UGT1A4: variants seen among roughly 807,000 people sequenced by gnomAD.
The protein encoded by UGT1A4 is UDP glucuronosyltransferase family 1 member A4.
UGT1A4 carries 32 observed loss-of-function variants against 41.1 expected under a neutral mutation model. The ratio of observed to expected loss-of-function variants is 0.78; its 90% CI spans 0.59 to 1.05. UGT1A4 has a LOEUF of 1.05. UGT1A4 is among the 50% of genes least tolerant of loss of function. The pLI, the probability that UGT1A4 is intolerant of heterozygous loss-of-function variation, is 0.00. For missense variants in UGT1A4, 748 were observed against 677.4 expected, an observed-to-expected ratio of 1.10 and a Z score of -1.16; for synonymous variants, 283 against 265.1, an observed-to-expected ratio of 1.07 and a Z score of -0.66.
At chr2:233,732,755 G>GTT (rs956485327) in intron 1 of UGT1A4, among the ~76,000 whole-genome samples, 69 of 120,202 alleles carry the variant, frequency 5.7e-4, no homozygotes, top group African/African-American at 1.5e-3. Context: ...CACCAGCTTT[G>GTT]TTTTTTTTTT....
At chr2:233,747,014 C>T (rs774665109) in intron 1 of UGT1A4, among the ~76,000 whole-genome samples, 7 of 151,838 alleles carry the variant, frequency 4.6e-5, no homozygotes, top group Non-Finnish European at 1.0e-4. Context: ...TAGGAGTGAT[C>T]GGTCTTTCCC....
At position 233,736,787 on chromosome 2, in the gene UGT1A4, G is replaced by T. The variant is rs564924553; in HGVS notation, c.867+17100G>T. Reference sequence around the variant, plus strand: ...TAACAGTCAGATCCCTCAGCTGCAGGTCTGTTGGAGTTTGCTGGAGGTCCA... The same window carrying T: ...TAACAGTCAGATCCCTCAGCTGCAGTTCTGTTGGAGTTTGCTGGAGGTCCA... On this transcript the variant is annotated intron_variant, in intron 1 of 4. Coordinates refer to ENST00000373409, the MANE Select transcript of UGT1A4 (RefSeq NM_007120.3). Among the ~76,000 whole-genome samples the T allele has an allele frequency of 1.5e-3, 227 of 152,276 alleles. 2 individuals carry two copies. The highest frequency in any genetic ancestry group is 5.1e-3 in the African/African-American group (213 of 41,548).
intron 1 of UGT1A4, chr2:233,755,332 C>A (rs556124321): frequency 5.3e-4 from 243 of 459,718 alleles, no homozygotes; most frequent in African/African-American, 4.6e-3. Flanking sequence ...CCAGCACCCG[C>A]GCACAGGTCA....
At chr2:233,760,370 G>A in intron 1 of UGT1A4, 1 of 1,614,148 alleles carries the variant, frequency 6.2e-7, no homozygotes, top group Non-Finnish European at 8.5e-7. Context: ...TCCCATGCTG[G>A]GAAGATACTG....
At chr2:233,729,345 C>A (rs200579886) in intron 1 of UGT1A4, 337 of 1,614,208 alleles carry the variant, frequency 2.1e-4, no homozygotes, top group Admixed American at 3.5e-4. Flanking sequence ...AAGAAGAGAA[C>A]TTTTTCACCC....
intron 1 of UGT1A4, chr2:233,755,353 G>T: frequency 2.6e-6 from 1 of 385,860 alleles, no homozygotes; most frequent in Non-Finnish European, 4.8e-6. Context: ...GAGGCTTGGC[G>T]ACCTGGGCCG....
At chr2:233,735,887 T>A (rs2078706567) in intron 1 of UGT1A4, among the ~76,000 whole-genome samples, 1 of 152,242 alleles carries the variant, frequency 6.6e-6, no homozygotes, top group Non-Finnish European at 1.5e-5. Flanking sequence ...CTGCTGTTAG[T>A]CTGATGGGCT....
At chr2:233,747,994 T>C (rs11888459) in intron 1 of UGT1A4, 570,680 of 1,612,980 alleles carry the variant, frequency 0.35, 103,977 homozygotes, top group African/African-American at 0.43. Context: ...CGAGGGGACT[T>C]TGTGATGGAT....
intron 1 of UGT1A4, among the ~76,000 whole-genome samples, chr2:233,739,415 C>A (rs1192478838): frequency 6.6e-6 from 1 of 152,198 alleles, no homozygotes; most frequent in African/African-American, 2.4e-5. Context: ...CCTCTGAAAG[C>A]AGCCAGGACG....
rs747443609 is a variant in UGT1A4 at position 233,768,266 on chromosome 2, T to C, written c.1134T>C (p.Gly378=). 6.8e-6 allele frequency: 11 copies of C among 1,614,024 alleles called. No individual in the cohort carries two copies. Among genetic ancestry groups the C allele is most frequent in the Non-Finnish European group, 9.3e-6 (11 of 1,180,038 alleles). ...TTATCACCCATGCTGGTTCCCATGG[T>C]GTTTATGAAAGCATATGCAATGGCG... is the stretch of plus-strand genomic sequence containing the variant. The part of the protein sequence containing the change: ...RAFITHAGSH[G]VYESICNGVP... The change falls in exon 4 of 5, where the codon GGT becomes GGC. Residue 378 remains glycine, a synonymous_variant. Coordinates refer to ENST00000373409, the MANE Select transcript of UGT1A4 (RefSeq NM_007120.3).
At chr2:233,744,002 G>C (rs1194406959) in intron 1 of UGT1A4, 1 of 1,192,502 alleles carries the variant, frequency 8.4e-7, no homozygotes, top group Admixed American at 2.7e-5. Flanking sequence ...AGTGCTCGGA[G>C]ACCTGGGCCG....
intron 4 of UGT1A4, among the ~76,000 whole-genome samples, 194 bp from the exon 5 acceptor site, chr2:233,772,068 G>T (rs906285664): frequency 3.9e-5 from 6 of 152,160 alleles, no homozygotes; most frequent in Non-Finnish European, 8.8e-5. Flanking sequence ...AGCCATGCTT[G>T]TGCCACTACA....
chr2:233,760,502 C>T (rs534361076), intron 1 of UGT1A4: 2 of 1,614,242 alleles, frequency 1.2e-6, no homozygotes, highest in Non-Finnish European at 1.7e-6. Flanking sequence ...AGAGACGGAG[C>T]ATTTTACACC....
chr2:233,748,637 G>C (rs1693996531), intron 1 of UGT1A4, among the ~76,000 whole-genome samples: 1 of 151,746 alleles, frequency 6.6e-6, no homozygotes, highest in South Asian at 2.1e-4. Flanking sequence ...TGTGATTATA[G>C]AATTACACAC....
intron 1 of UGT1A4, among the ~76,000 whole-genome samples, chr2:233,720,593 A>G (rs12468543): frequency 0.08 from 12,154 of 152,072 alleles, 627 homozygotes; most frequent in East Asian, 0.2. Context: ...TTCAGAGGTG[A>G]CTTTCATTAA....
At chr2:233,764,961 TG>T (rs1172324167) in intron 1 of UGT1A4, among the ~76,000 whole-genome samples, 1 of 152,020 alleles carries the variant, frequency 6.6e-6, no homozygotes, top group Non-Finnish European at 1.5e-5. Context: ...GGGCTCACCT[TG>T]GGAGAAGGAT....
rs879204025 is a variant in UGT1A4, at chr2:233,769,857, CA to C, written c.1307+1435del. 0.15 allele frequency: 32,681 copies of C among 223,256 alleles called. 81 individuals are homozygous for C. Among genetic ancestry groups the C allele is most frequent in the Middle Eastern group, 0.2 (155 of 784 alleles). The allele number at this position is 223,256 out of a possible 1,614,324, so 13.8% of individuals were successfully genotyped here. ...TGGGCAACAGAGTGAGACCCTGTCT[CA>C]AAAAAAAAAAAAAAAATGAAAAGTC... On this transcript the variant is annotated intron_variant, in intron 4 of 4. Transcript: ENST00000373409. This position sits in a 1 kb window ranked among gnomAD's most constrained non-coding sequence, Gnocchi z 4.4.
chr2:233,725,911 A>G (rs1258328024), intron 1 of UGT1A4, among the ~76,000 whole-genome samples: 2 of 152,166 alleles, frequency 1.3e-5, no homozygotes. Flanking sequence ...CACACCTGCA[A>G]TTTCAGCCCT....
At chr2:233,748,178 G>T (rs1693885819) in intron 1 of UGT1A4, 1 of 1,580,774 alleles carries the variant, frequency 6.3e-7, no homozygotes, top group Non-Finnish European at 8.6e-7. Context: ...TATCTTTCTG[G>T]TGCTTTTATT....
Sources: allele counts gnomAD v4.1 joint callset (sites outside exome capture counted in the v4.1 genomes callset), GRCh38; gene constraint gnomAD v4.1.1; non-coding constraint Gnocchi (gnomAD v3.1); transcripts MANE v1.5; gene names NCBI Gene and HGNC (gene_info 2026-07-23, HGNC 2026-07-21).